MEG3: variants seen among roughly 807,000 people sequenced by gnomAD.
MEG3 encodes Very putative protein from MEG3 locus.
exon 1 of MEG3, chr14:100,857,601 A>G (rs1012135842): frequency 6.6e-6 from 1 of 152,112 alleles, no homozygotes; most frequent in Admixed American, 6.5e-5. Context: ...GTGGGCCCAG[A>G]GTAAATATTT....
In MEG3 at chr14:100,857,915, AATTTCCTCAC is replaced by A. The variant is rs548514580; in HGVS notation, n.673_682del. The A allele has an allele frequency of 1.1e-4, 16 of 152,260 alleles. No individual in the cohort carries two copies. In the East Asian group the frequency reaches 2.9e-3, roughly 28 times the overall value. 9.4% of individuals were successfully genotyped at this position (152,260 alleles called of 1,614,324 possible). ...AACCCTGCTTCCATCCTGCGCTCTG[AATTTCCTCAC>A]AGCCCTTTTCTGTCTCTGGTAGAAG... On this transcript the variant is annotated non_coding_transcript_exon_variant, in exon 1 of 2. Coordinates refer to the MEG3 transcript ENST00000398460.
At position 100,843,910 on chromosome 14, in the gene MEG3, G is replaced by C. The variant is rs551098563; in HGVS notation, n.3046-1548G>C. Among the ~76,000 whole-genome samples the C allele has an allele frequency of 8.8e-5, 13 of 148,102 alleles. No homozygotes were observed. In the South Asian group the frequency reaches 2.8e-3, roughly 32 times the overall value. ...GCTGGAGGGTAGTGGCGCAATCTTGGCTCACTGTAATCTCTGCCTCCCACG... is the reference window on the plus strand; with the variant it reads ...GCTGGAGGGTAGTGGCGCAATCTTGCCTCACTGTAATCTCTGCCTCCCACG... On this transcript the variant is annotated intron_variant and non_coding_transcript_variant, in intron 2 of 3. Coordinates refer to the MEG3 transcript ENST00000398461.
exon 1 of MEG3, chr14:100,835,642 C>T (rs2037548449): frequency 6.4e-6 from 1 of 157,300 alleles, no homozygotes; most frequent in African/African-American, 2.4e-5. Flanking sequence ...GTTCTCCCTG[C>T]CAAGCCCATA....
chr14:100,854,421 C>A (rs2038177393), upstream of MEG3: 2 of 152,192 alleles, frequency 1.3e-5, no homozygotes, highest in African/African-American at 4.8e-5. Flanking sequence ...CCAGGCAGCC[C>A]TCAGAGAAAG....
At chr14:100,852,748 A>G, upstream of MEG3, 1 of 231,372 alleles carries the variant, frequency 4.3e-6, no homozygotes, top group Non-Finnish European at 8.8e-6. Context: ...GGGAGGGCCC[A>G]TTGCATGCAC....
chr14:100,845,348 C>T lies in MEG3; in HGVS notation n.3046-110C>T, dbSNP rs927256917. The T allele has an allele frequency of 7.4e-5, 27 of 366,776 alleles. No homozygotes were observed. Among genetic ancestry groups the T allele is most frequent in the African/African-American group, 1.5e-4 (7 of 46,958 alleles). 22.7% of individuals were successfully genotyped at this position (366,776 alleles called of 1,614,324 possible). ...CTTGCTGGAGGTTGGGGAGTCTCTG[C>T]TCCAGGCCACCCCTGCCCGCCCCCC... On this transcript the variant is annotated intron_variant and non_coding_transcript_variant, in intron 2 of 3. Coordinates refer to the MEG3 transcript ENST00000398461. This position sits in a 1 kb window ranked among gnomAD's most constrained non-coding sequence, Gnocchi z 5.2.
upstream of MEG3, chr14:100,857,081 G>A (rs1462011288): frequency 6.6e-6 from 1 of 152,194 alleles, no homozygotes; most frequent in Non-Finnish European, 1.5e-5. Flanking sequence ...AAGCCTTGAT[G>A]TTTATAACCT....
chr14:100,836,357 C>G (rs1285994768), intron 2 of MEG3: 5 of 445,354 alleles, frequency 1.1e-5, no homozygotes, highest in Non-Finnish European at 2.2e-5. Context: ...TCATGTCTCT[C>G]CTCTCTGATC....
chr14:100,832,318 A>G (rs555055987), downstream of MEG3: 1 of 152,212 alleles, frequency 6.6e-6, no homozygotes, highest in East Asian at 1.9e-4. Flanking sequence ...ATCGAGTTTA[A>G]CCTCTTTACC....
intron 2 of MEG3, among the ~76,000 whole-genome samples, chr14:100,842,825 G>A (rs959691716): frequency 6.6e-6 from 1 of 152,226 alleles, no homozygotes; most frequent in African/African-American, 2.4e-5. Context: ...TGTTTTTGGA[G>A]TGTTCACCAA....
intron 3 of MEG3, chr14:100,850,997 A>G (rs2038055185): frequency 6.6e-6 from 1 of 152,570 alleles, no homozygotes; most frequent in South Asian, 2.1e-4. Flanking sequence ...TGCTTGTCAC[A>G]TGCACTTGCC....
At chr14:100,840,242 G>C (rs1384440360) in intron 2 of MEG3, among the ~76,000 whole-genome samples, 2 of 152,200 alleles carry the variant, frequency 1.3e-5, no homozygotes, top group African/African-American at 4.8e-5. Context: ...CCCCTATCCT[G>C]GGAGAAAGGA....
chr14:100,828,353 C>T (rs2139934128), intron 1 of MEG3, among the ~76,000 whole-genome samples: 1 of 151,744 alleles, frequency 6.6e-6, no homozygotes, highest in Admixed American at 6.5e-5. Context: ...CTCTCCTCCA[C>T]CTCCCATTTC....
At chr14:100,856,007 G>A (rs752327997), upstream of MEG3, 1 of 152,188 alleles carries the variant, frequency 6.6e-6, no homozygotes, top group Non-Finnish European at 1.5e-5. Flanking sequence ...TTCTGGCCGG[G>A]AGCAGGTTTT....
intron 2 of MEG3, among the ~76,000 whole-genome samples, chr14:100,840,081 G>A (rs913576136): frequency 1.3e-5 from 2 of 152,260 alleles, no homozygotes; most frequent in African/African-American, 4.8e-5. Flanking sequence ...GGTCACTGGG[G>A]CCGCCGTGGG....
At chr14:100,836,272 C>T (rs908552044) in exon 2 of MEG3, 5 of 456,452 alleles carry the variant, frequency 1.1e-5, no homozygotes, top group Admixed American at 4.7e-5. Context: ...TTCTTCCTGG[C>T]GGGCCTCTCG....
In MEG3 at chr14:100,845,521, C is replaced by T. The variant is rs1042132512; in HGVS notation, n.3109C>T. 1 of 456,766 alleles carries T rather than the reference C, an allele frequency of 2.2e-6. No individual in the cohort carries two copies. Among genetic ancestry groups the T allele is most frequent in the Non-Finnish European group, 4.4e-6 (1 of 226,976 alleles). The allele number at this position is 456,766 out of a possible 1,614,324, so 28.3% of individuals were successfully genotyped here. A position where few individuals can be genotyped will look rare whatever the true frequency, so the allele number is the denominator to read the frequency against. ...TCGAATGTGGGACCCCAGCCCCTCT[C>T]CAGCTCGAAATCGTAAGTGGCTGGA... is the stretch of plus-strand genomic sequence containing the variant. On this transcript the variant is annotated non_coding_transcript_exon_variant, in exon 3 of 4. Coordinates refer to the MEG3 transcript ENST00000398461. The surrounding 1 kb of genome is among the most constrained non-coding windows in gnomAD (Gnocchi z 5.2).
intron 3 of MEG3, chr14:100,848,071 G>C (rs1282767092): frequency 3.3e-5 from 5 of 152,184 alleles, no homozygotes; most frequent in Admixed American, 2.0e-4. Context: ...GTGCAAGAGA[G>C]AATGAGTGAG....
chr14:100,834,814 C>G (rs149862849), exon 1 of MEG3: 209 of 456,720 alleles, frequency 4.6e-4, no homozygotes, highest in African/African-American at 3.5e-3. Context: ...GCGAAGAGTT[C>G]TAGGTGCAAA....
Sources: gnomAD v4.1 joint callset for allele counts (sites outside exome capture counted in the v4.1 genomes callset) on GRCh38, gnomAD v4.1.1 for gene constraint, Gnocchi (gnomAD v3.1) non-coding constraint, MANE v1.5 for transcripts, NCBI Gene and HGNC (gene_info 2026-07-23, HGNC 2026-07-21) for gene names.